APP: variants seen among roughly 807,000 people sequenced by gnomAD.
APP encodes the protein amyloid-beta precursor protein.
APP carries 31 observed loss-of-function variants against 101.4 expected under a neutral mutation model. That is an observed-to-expected ratio of 0.31 (90% confidence interval 0.23 to 0.41). APP has a LOEUF of 0.41. Among genes scored for constraint, APP ranks in the 10% least tolerant of loss-of-function variants. The pLI, the probability that APP is intolerant of heterozygous loss-of-function variation, is 1.00. For missense variants in APP, 839 were observed against 1,003.7 expected, an observed-to-expected ratio of 0.84 and a Z score of 2.22; for synonymous variants, 366 against 364.4, an observed-to-expected ratio of 1.00 and a Z score of -0.05.
Position 25,924,772 on chromosome 21 carries a change from G to A in APP, c.1688-12810C>T, listed in dbSNP as rs564522230. Among the ~76,000 whole-genome samples the A allele has an allele frequency of 2.1e-3, 305 of 148,120 alleles. 3 individuals are homozygous for A. Among genetic ancestry groups the A allele is most frequent in the South Asian group, 0.016 (74 of 4,722 alleles). ...CAGCACATGTATCCCAGAACTTAAA[G>A]TAAACAAAGAAAAAAAAAAAAAGCT... is the stretch of plus-strand genomic sequence containing the variant. On this transcript the variant is annotated intron_variant, in intron 13 of 17. Transcript: ENST00000346798.
chr21:26,042,710 T>G (rs2045428222), intron 5 of APP, among the ~76,000 whole-genome samples: 1 of 151,948 alleles, frequency 6.6e-6, no homozygotes, highest in Non-Finnish European at 1.5e-5. Flanking sequence ...GAAAACAGTC[T>G]GGGCAACATA....
intron 13 of APP, among the ~76,000 whole-genome samples, chr21:25,925,085 T>C (rs954294286): frequency 2.0e-5 from 3 of 152,198 alleles, no homozygotes; most frequent in African/African-American, 7.2e-5. Flanking sequence ...ATGTCCTTTC[T>C]TCTCTCTCCC....
intron 13 of APP, among the ~76,000 whole-genome samples, chr21:25,936,341 G>T (rs1240574965): frequency 1.3e-5 from 2 of 152,222 alleles, no homozygotes; most frequent in African/African-American, 2.4e-5. Context: ...ATCACCTGAG[G>T]TCGAGAGTTC....
intron 13 of APP, 106 bp from the exon 14 acceptor site, chr21:25,912,068 C>T (rs751741819): frequency 1.3e-5 from 11 of 831,728 alleles, no homozygotes; most frequent in Non-Finnish European, 1.4e-5. Flanking sequence ...ACTGCTTTCA[C>T]GTGCATGATC....
intron 8 of APP, among the ~76,000 whole-genome samples, chr21:25,983,192 T>C (rs536962462): frequency 3.3e-5 from 5 of 152,236 alleles, no homozygotes; most frequent in African/African-American, 2.4e-5. Context: ...TGCTATATTA[T>C]GTAACTCATG....
chr21:26,049,177 G>T lies in APP; in HGVS notation c.662+1823C>A, dbSNP rs191219156. 1.6e-3 allele frequency among the ~76,000 whole-genome samples: 248 copies of T among 152,168 alleles called. 3 individuals are homozygous for T. The highest frequency in any genetic ancestry group is 2.3e-3 in the South Asian group (11 of 4,810). ...CTGGGAGGAGGGTGGATGAAGCCTGGGGGTGTGGGGGAGAGGGAGACTGAA... is the reference window on the plus strand; with the variant it reads ...CTGGGAGGAGGGTGGATGAAGCCTGTGGGTGTGGGGGAGAGGGAGACTGAA... On this transcript the variant is annotated intron_variant, in intron 5 of 17. Transcript: ENST00000346798.
chr21:25,881,703 T>A lies in APP; in HGVS notation c.2280A>T (p.Pro760=). Residue 760 remains proline (P), a synonymous_variant, in exon 18 of 18, where the codon CCA becomes CCT. Coordinates refer to ENST00000346798, the MANE Select transcript of APP (RefSeq NM_000484.4). ...GCATCTGCTCAAAGAACTTGTAGGT[T>A]GGATTTTCGTAGCCGTTCTGCTGCA... The part of the protein sequence containing the change: ...SKMQQNGYEN[P]TYKFFEQMQN 1.2e-6 allele frequency: 2 copies of A among 1,614,058 alleles called. No individual in the cohort carries two copies. Among genetic ancestry groups the A allele is most frequent in the Admixed American group, 1.7e-5 (1 of 60,028 alleles).
At chr21:25,883,661 C>G (rs1442203849) in intron 17 of APP, among the ~76,000 whole-genome samples, 1 of 152,186 alleles carries the variant, frequency 6.6e-6, no homozygotes, top group Non-Finnish European at 1.5e-5. Context: ...CCACTGCACT[C>G]CGGCCTGGGC....
intron 13 of APP, among the ~76,000 whole-genome samples, chr21:25,931,898 T>A (rs1259660689): frequency 6.6e-6 from 1 of 152,136 alleles, no homozygotes; most frequent in Non-Finnish European, 1.5e-5. Flanking sequence ...AGCATCAGAA[T>A]GAAAATGGAA....
rs750093605 is a variant in APP, at chr21:25,997,419, A to C, written c.1034-3T>G. On this transcript the variant is annotated splice_region_variant and splice_polypyrimidine_tract_variant and intron_variant, in intron 7 of 17. Coordinates refer to ENST00000346798, the MANE Select transcript of APP (RefSeq NM_000484.4). ...AGTCTTGAGTAAACTTTGGGACACT[A>C]TGGAAAAAATAAGAGAACATAACTA... 1 of 1,611,588 alleles carries C rather than the reference A, an allele frequency of 6.2e-7. No individual in the cohort carries two copies. Among genetic ancestry groups the C allele is most frequent in the Non-Finnish European group, 8.5e-7 (1 of 1,177,718 alleles).
chr21:25,992,256 C>T (rs57338880), intron 8 of APP, among the ~76,000 whole-genome samples: 47,179 of 151,710 alleles, frequency 0.31, 8,423 homozygotes, highest in African/African-American at 0.49. Context: ...TGGTGGCAGG[C>T]GCCTGTCATT....
chr21:25,990,926 C>T (rs1392718950), intron 8 of APP, among the ~76,000 whole-genome samples: 1 of 152,142 alleles, frequency 6.6e-6, no homozygotes, highest in Non-Finnish European at 1.5e-5. Flanking sequence ...AACCTAAGTG[C>T]CCATCAACCA....
chr21:25,980,099 A>C (rs2042372714), intron 9 of APP, among the ~76,000 whole-genome samples: 1 of 152,226 alleles, frequency 6.6e-6, no homozygotes, highest in Non-Finnish European at 1.5e-5. Context: ...GGGAAGCCCA[A>C]GATGAGATGA....
chr21:26,140,360 T>G, intron 1 of APP: 1 of 1,498,084 alleles, frequency 6.7e-7, no homozygotes, highest in Non-Finnish European at 8.9e-7. Flanking sequence ...CTAACCCAAC[T>G]TCTACCACGC....
intron 8 of APP, 168 bp downstream of exon 8, chr21:25,997,192 T>C (rs2043088235): frequency 1.5e-6 from 1 of 672,594 alleles, no homozygotes; most frequent in Non-Finnish European, 2.6e-6. Context: ...TCAAGCTGTC[T>C]GGCAAAATCA....
intron 13 of APP, among the ~76,000 whole-genome samples, chr21:25,949,140 CATA>C (rs1337540235): frequency 1.3e-5 from 2 of 151,910 alleles, no homozygotes; most frequent in Non-Finnish European, 2.9e-5. Context: ...GGAACTTGCA[CATA>C]ATAATTAAAA....
chr21:26,151,385 G>A (rs891709414), intron 1 of APP, among the ~76,000 whole-genome samples: 13 of 152,074 alleles, frequency 8.5e-5, no homozygotes, highest in Admixed American at 5.9e-4. Flanking sequence ...CTGCCTACAC[G>A]AGCAATCACA....
At chr21:26,059,170 G>A (rs1294946077) in intron 3 of APP, among the ~76,000 whole-genome samples, 1 of 152,110 alleles carries the variant, frequency 6.6e-6, no homozygotes, top group Non-Finnish European at 1.5e-5. Context: ...GTAGATTAAT[G>A]TAAAAGATTC....
rs137865262 is a variant in APP at position 25,911,961 on chromosome 21, A to G, written c.1689T>C (p.Asp563=). ...AGTTTTGCTCTTTCTGAAGCAGCTC[A>G]TCTAAACCAAACAAAACCATCTCTT... The part of the protein sequence containing the change: ...AVAEEIQDEV[D]ELLQKEQNYS... The change falls in exon 14 of 18, where the codon GAT becomes GAC. Residue 563 remains aspartate, a splice_region_variant and synonymous_variant. Coordinates refer to ENST00000346798, the MANE Select transcript of APP (RefSeq NM_000484.4). 5.8e-5 allele frequency: 94 copies of G among 1,612,876 alleles called. 1 individual carries two copies. Among genetic ancestry groups the G allele is most frequent in the Admixed American group, 4.7e-4 (28 of 60,010 alleles).
Sources: allele counts gnomAD v4.1 joint callset (sites outside exome capture counted in the v4.1 genomes callset), GRCh38; gene constraint gnomAD v4.1.1; transcripts MANE v1.5; gene names NCBI Gene and HGNC (gene_info 2026-07-23, HGNC 2026-07-21).